The following ADGRG7 variants were observed in gnomAD, a reference collection of about 807,000 sequenced individuals.
The protein encoded by ADGRG7 is G-protein coupled receptor 128.
ADGRG7 carries 82 observed loss-of-function variants against 88.6 expected under a neutral mutation model. The ratio of observed to expected loss-of-function variants is 0.93; its 90% confidence interval spans 0.77 to 1.11. The LOEUF (loss-of-function observed/expected upper bound fraction) is 1.11, where lower values mean the gene tolerates loss of function less well. Among genes scored for constraint, ADGRG7 ranks in the 50% most tolerant of loss-of-function variants. ADGRG7 has a pLI of 0.00. For synonymous variants in ADGRG7, 381 were observed against 345.2 expected (o/e 1.10, Z -1.15); for missense variants, 945 against 953.4 (o/e 0.99, Z 0.12).
intron 5 of ADGRG7, 22 bp from the exon 6 acceptor site, chr3:100,637,280 A>T (rs1453974116): frequency 1.4e-6 from 2 of 1,471,718 alleles, no homozygotes; most frequent in Admixed American, 3.3e-5. Context: ...TTCTCTGATG[A>T]TCAGTATCTT....
intron 13 of ADGRG7, among the ~76,000 whole-genome samples, chr3:100,657,959 A>C (rs1289814424): frequency 6.6e-6 from 1 of 152,214 alleles, no homozygotes; most frequent in Admixed American, 6.5e-5. Context: ...GTGTTTTACA[A>C]AACTCCAGGG....
In ADGRG7 at chr3:100,655,274, T is replaced by C. The variant is rs2094936114; in HGVS notation, c.1726+93T>C. On this transcript the variant is annotated intron_variant, in intron 12 of 15. Coordinates refer to ENST00000273352, the MANE Select transcript of ADGRG7 (RefSeq NM_032787.3). ...TTGAAGGCCTAATAGTCCAAGGCCT[T>C]GACGTAATTAAGAGGAGATAGAAAA... 3.5e-6 allele frequency: 3 copies of C among 847,706 alleles called. No individual in the cohort carries two copies. In the East Asian group the frequency reaches 7.5e-5, roughly 21 times the overall value. 52.5% of individuals were successfully genotyped at this position (847,706 alleles called of 1,614,324 possible). A position where few individuals can be genotyped will look rare whatever the true frequency, so the allele number is the denominator to read the frequency against.
chr3:100,622,840 C>T (rs1707333732), intron 1 of ADGRG7, among the ~76,000 whole-genome samples: 1 of 151,940 alleles, frequency 6.6e-6, no homozygotes, highest in Non-Finnish European at 1.5e-5. Flanking sequence ...TGGCTCACTG[C>T]AACTTCTGCC....
At chr3:100,645,614 A>C (rs1374937720) in intron 8 of ADGRG7, among the ~76,000 whole-genome samples, 13 of 152,188 alleles carry the variant, frequency 8.5e-5, no homozygotes. Context: ...CACTCTCTCC[A>C]TCTCTCATGT....
intron 15 of ADGRG7, among the ~76,000 whole-genome samples, chr3:100,682,243 G>C (rs2094974434): frequency 6.6e-6 from 1 of 152,172 alleles, no homozygotes; most frequent in Admixed American, 6.5e-5. Context: ...GAGCAGTGCA[G>C]TCGGGCAAGG....
intron 1 of ADGRG7, among the ~76,000 whole-genome samples, chr3:100,611,796 T>G (rs943621728): frequency 6.6e-6 from 1 of 152,218 alleles, no homozygotes; most frequent in African/African-American, 2.4e-5. Flanking sequence ...CTGTTACTAT[T>G]TTGCCTTGTA....
intron 1 of ADGRG7, among the ~76,000 whole-genome samples, chr3:100,629,267 CTCTA>C (rs58092447): frequency 0.12 from 18,176 of 148,892 alleles, 1,200 homozygotes; most frequent in East Asian, 0.26. Context: ...TCCATGTTGA[CTCTA>C]TCTATCTATC....
At chr3:100,656,331 G>T (rs1471377802) in intron 13 of ADGRG7, among the ~76,000 whole-genome samples, 2 of 152,082 alleles carry the variant, frequency 1.3e-5, no homozygotes, top group African/African-American at 4.8e-5. Flanking sequence ...TCCAGAAAAT[G>T]GGAATAACAA....
chr3:100,649,797 AT>A lies in ADGRG7; in HGVS notation c.1371del (p.Ile457MetfsTer11). 1.9e-6 allele frequency: 3 copies of A among 1,586,658 alleles called. No homozygotes were observed. The highest frequency in any genetic ancestry group is 2.6e-6 in the Non-Finnish European group (3 of 1,156,246). ...TGLALTVIFQ[I>X]VTRKVRKTSV... ...TCTGGCTCTCACAGTTATATTTCAG[AT>A]TGTCACCAGGTAAGAGCAGAAGCAG... On this transcript the variant is annotated frameshift_variant, in exon 11 of 16. Coordinates refer to ENST00000273352, the MANE Select transcript of ADGRG7 (RefSeq NM_032787.3). LOFTEE classifies it high-confidence loss of function.
chr3:100,620,720 C>A (rs182277322), intron 1 of ADGRG7, among the ~76,000 whole-genome samples: 1 of 152,134 alleles, frequency 6.6e-6, no homozygotes, highest in Non-Finnish European at 1.5e-5. Flanking sequence ...CCCTCACAGA[C>A]CCTGGCTGAA....
chr3:100,670,524 C>T (rs188788497), intron 15 of ADGRG7, among the ~76,000 whole-genome samples: 3 of 152,198 alleles, frequency 2.0e-5, no homozygotes, highest in Admixed American at 2.0e-4. Context: ...ATATATCTAG[C>T]AGTAGGATTG....
intron 11 of ADGRG7, chr3:100,654,553 G>T (rs1244337794): frequency 2.6e-5 from 7 of 268,274 alleles, no homozygotes; most frequent in Non-Finnish European, 4.9e-5. Flanking sequence ...TTCACTGGGG[G>T]CCATTTTTGG....
At chr3:100,623,796 C>T (rs535607027) in intron 1 of ADGRG7, among the ~76,000 whole-genome samples, 16 of 152,086 alleles carry the variant, frequency 1.1e-4, no homozygotes, top group East Asian at 7.7e-4. Flanking sequence ...TGAGAACATG[C>T]GGTGTTTGGT....
chr3:100,643,212 C>A lies in ADGRG7; in HGVS notation c.699-54C>A, dbSNP rs576424574. 6 of 1,519,988 alleles carry A rather than the reference C, an allele frequency of 3.9e-6. No individual in the cohort carries two copies. In the East Asian group the frequency reaches 1.4e-4, roughly 34 times the overall value. 94.2% of individuals were successfully genotyped at this position (1,519,988 alleles called of 1,614,324 possible). ...GCTGTAGTGTAAGACAGAACACATA[C>A]CTTTCATTTTATGACAAAATCTTGA... On this transcript the variant is annotated intron_variant, in intron 6 of 15. Coordinates refer to ENST00000273352, the MANE Select transcript of ADGRG7 (RefSeq NM_032787.3).
chr3:100,625,968 C>T (rs1203379425), intron 1 of ADGRG7, among the ~76,000 whole-genome samples: 2 of 152,112 alleles, frequency 1.3e-5, no homozygotes, highest in South Asian at 4.1e-4. Flanking sequence ...CTGAAGTTTT[C>T]TTTTGTGTGT....
At chr3:100,683,952 A>G (rs975190840) in intron 15 of ADGRG7, among the ~76,000 whole-genome samples, 2 of 152,150 alleles carry the variant, frequency 1.3e-5, no homozygotes, top group East Asian at 3.9e-4. Context: ...ATTTGTCTTT[A>G]TACAATTCAA....
chr3:100,655,547 GAAAAATTT>G (rs960303879), intron 12 of ADGRG7, among the ~76,000 whole-genome samples: 3 of 152,092 alleles, frequency 2.0e-5, no homozygotes, highest in Non-Finnish European at 4.4e-5. Flanking sequence ...AAAAATATTT[GAAAAATTT>G]ATTGGGTTCC....
chr3:100,694,841 A>G lies in ADGRG7; in HGVS notation c.2234A>G (p.Lys745Arg), dbSNP rs1345869894. The change falls in exon 16 of 16, where the codon AAG becomes AGG. Residue 745 changes from lysine (K) to arginine (R), a missense_variant. Physicochemically the swap from Lys to Arg is conservative, Grantham distance 26. Coordinates refer to ENST00000273352, the MANE Select transcript of ADGRG7 (RefSeq NM_032787.3). ...TTGCTATCGTCTATTGGGAGAAGGA[A>G]GTCATTGCCTTCAGTGACGCGGCCG... ...LMLLSSIGRR[K>R]SLPSVTRPRL... The G allele has an allele frequency of 7.4e-6, 12 of 1,614,072 alleles. No homozygotes were observed. In the East Asian group the frequency reaches 2.7e-4, roughly 36 times the overall value.
chr3:100,610,771 G>A (rs971917303), intron 1 of ADGRG7, among the ~76,000 whole-genome samples: 1 of 152,218 alleles, frequency 6.6e-6, no homozygotes, highest in South Asian at 2.1e-4. Context: ...ATCAGAGAAA[G>A]CTTCTAATGA....
Sources: gnomAD v4.1 joint callset for allele counts (sites outside exome capture counted in the v4.1 genomes callset) on GRCh38, gnomAD v4.1.1 for gene constraint, MANE v1.5 for transcripts, NCBI Gene and HGNC (gene_info 2026-07-23, HGNC 2026-07-21) for gene names.